The following GFPT2 variants were observed in gnomAD, a reference collection of about 807,000 sequenced individuals.
The protein encoded by GFPT2 is glutamine--fructose-6-phosphate transaminase 2, also known as glutamine--fructose-6-phosphate aminotransferase [isomerizing] 2.
A neutral mutation model predicts 85.6 loss-of-function variants in GFPT2; 62 were observed. The ratio of observed to expected loss-of-function variants is 0.72; its 90% CI spans 0.59 to 0.90. The LOEUF (loss-of-function observed/expected upper bound fraction) is 0.90, where lower values mean the gene tolerates loss of function less well. Ranked by LOEUF, GFPT2 falls within the 40% of genes least tolerant of loss-of-function variation. The probability of loss-of-function intolerance (pLI) is 0.00; values close to 1 mark genes in which losing one functional copy is unlikely to be tolerated. For missense variants in GFPT2, 788 were observed against 893.4 expected, an observed-to-expected ratio of 0.88 and a Z score of 1.50; for synonymous variants, 368 against 344.5, an observed-to-expected ratio of 1.07 and a Z score of -0.75.
intron 1 of GFPT2, among the ~76,000 whole-genome samples, chr5:180,338,932 G>A (rs1001442745): frequency 1.6e-4 from 25 of 152,172 alleles, no homozygotes; most frequent in African/African-American, 4.8e-4. Context: ...TAGGACATCC[G>A]GAAGTCCCCA....
intron 7 of GFPT2, among the ~76,000 whole-genome samples, chr5:180,327,507 G>A (rs1764230781): frequency 6.6e-6 from 1 of 152,198 alleles, no homozygotes; most frequent in Non-Finnish European, 1.5e-5. Flanking sequence ...CCCCTGCCAG[G>A]TAAGGTGATA....
In GFPT2 at chr5:180,328,617, G is replaced by T. The variant is rs1764253067; in HGVS notation, c.535-279C>A. On this transcript the variant is annotated intron_variant, in intron 6 of 18. Transcript: ENST00000253778. The surrounding 1 kb of genome is among the most constrained non-coding windows in gnomAD (Gnocchi z 5.4). ...GGGAGCCCGGCAGGGGTGCCAGCTG[G>T]GTAGACGGGGCAGTGAGAGTCACAG... Among the ~76,000 whole-genome samples the T allele has an allele frequency of 6.6e-6, 1 of 152,250 alleles. No individual in the cohort carries two copies. Among genetic ancestry groups the T allele is most frequent in the Admixed American group, 6.5e-5 (1 of 15,288 alleles).
chr5:180,338,489 C>G lies in GFPT2; in HGVS notation c.115+4G>C. Reference sequence around the variant, plus strand: ...AGCCACGAGGCGGGCGGCCGCACACCCACCTGCCGAGTCGTAGCCTCTGTA... The same window carrying G: ...AGCCACGAGGCGGGCGGCCGCACACGCACCTGCCGAGTCGTAGCCTCTGTA... On this transcript the variant is annotated splice_donor_region_variant and intron_variant, in intron 2 of 18. Transcript: ENST00000253778. The G allele has an allele frequency of 6.4e-7, 1 of 1,566,214 alleles. No homozygotes were observed. The highest frequency in any genetic ancestry group is 8.8e-7 in the Non-Finnish European group (1 of 1,137,858).
At chr5:180,336,065 T>A (rs1304360171) in intron 3 of GFPT2, 112 bp from the exon 4 acceptor site, 1 of 1,038,166 alleles carries the variant, frequency 9.6e-7, no homozygotes. Context: ...CGATGGCACC[T>A]CCCCACCAGC....
At chr5:180,340,563 G>C (rs1307844757) in intron 1 of GFPT2, among the ~76,000 whole-genome samples, 1 of 141,058 alleles carries the variant, frequency 7.1e-6, no homozygotes, top group East Asian at 2.1e-4. Context: ...CCAGGCTGGA[G>C]TGCAGTGGTG....
At chr5:180,337,771 G>A (rs1764429584) in intron 2 of GFPT2, among the ~76,000 whole-genome samples, 2 of 152,048 alleles carry the variant, frequency 1.3e-5, no homozygotes, top group Admixed American at 1.3e-4. Context: ...TGCCGTCTAT[G>A]CCATCAACCT....
chr5:180,314,435 G>A (rs900262190), intron 13 of GFPT2, among the ~76,000 whole-genome samples: 1 of 152,218 alleles, frequency 6.6e-6, no homozygotes, highest in Non-Finnish European at 1.5e-5. Flanking sequence ...GACACTTCTT[G>A]CAAGCCTCTC....
chr5:180,328,382 G>A lies in GFPT2; in HGVS notation c.535-44C>T, dbSNP rs1338130615. 5.2e-5 allele frequency: 77 copies of A among 1,491,732 alleles called. No homozygotes were observed. Among genetic ancestry groups the A allele is most frequent in the Non-Finnish European group, 6.6e-5 (71 of 1,069,678 alleles). The allele number at this position is 1,491,732 out of a possible 1,614,324, so 92.4% of individuals were successfully genotyped here. A position where few individuals can be genotyped will look rare whatever the true frequency, so the allele number is the denominator to read the frequency against. On this transcript the variant is annotated intron_variant, in intron 6 of 18. Coordinates refer to ENST00000253778, the MANE Select transcript of GFPT2 (RefSeq NM_005110.4). This position sits in a 1 kb window ranked among gnomAD's most constrained non-coding sequence, Gnocchi z 5.4. ...TGAGGGTCAACGCGTTCCAGCAGCC[G>A]CTGCTGCAGCCTGGCCACAGCCCAG... is the stretch of plus-strand genomic sequence containing the variant.
At chr5:180,335,397 C>T (rs1269092125) in intron 4 of GFPT2, among the ~76,000 whole-genome samples, 1 of 152,202 alleles carries the variant, frequency 6.6e-6, no homozygotes, top group Non-Finnish European at 1.5e-5. Flanking sequence ...CTCACCTGGA[C>T]CACTCTGTGG....
At chr5:180,336,019 A>T (rs2127655302) in intron 3 of GFPT2, 66 bp from the exon 4 acceptor site, 2 of 1,466,898 alleles carry the variant, frequency 1.4e-6, no homozygotes, top group Middle Eastern at 1.8e-4. Flanking sequence ...CTGTGAGTGC[A>T]ACCTGGTGTC....
At chr5:180,348,536 G>C (rs1044209169) in intron 1 of GFPT2, among the ~76,000 whole-genome samples, 12 of 152,242 alleles carry the variant, frequency 7.9e-5, no homozygotes, top group African/African-American at 2.9e-4. Flanking sequence ...AGACAGAGGA[G>C]CCTGCGGGCC....
intron 4 of GFPT2, among the ~76,000 whole-genome samples, chr5:180,334,451 G>A (rs552759363): frequency 3.0e-4 from 46 of 152,296 alleles, no homozygotes; most frequent in Admixed American, 9.2e-4. Flanking sequence ...GCAGTGGGTG[G>A]GGGACACCAA....
intron 1 of GFPT2, among the ~76,000 whole-genome samples, chr5:180,340,015 C>T (rs1764478073): frequency 6.6e-6 from 1 of 152,206 alleles, no homozygotes; most frequent in Non-Finnish European, 1.5e-5. Context: ...CAAAATACCA[C>T]AGACTGCCTG....
Position 180,304,883 on chromosome 5 carries a change from C to A in GFPT2, c.1731G>T (p.Lys577Asn), listed in dbSNP as rs1763745901. The A allele has an allele frequency of 6.2e-7, 1 of 1,613,132 alleles. No homozygotes were observed. Among genetic ancestry groups the A allele is most frequent in the Non-Finnish European group, 8.5e-7 (1 of 1,179,154 alleles). ...HSEGILAGEL[K>N]HGPLALIDKQ... The stretch of plus-strand genomic sequence containing the variant: ...TGTCAATCAGTGCCAGGGGCCCGTG[C>A]TTCAGCTCCCCAGCCAGGATGCCTT... Residue 577 changes from lysine (K) to asparagine (N), a missense_variant, in exon 17 of 19, where the codon AAG becomes AAT. Coordinates refer to ENST00000253778, the MANE Select transcript of GFPT2 (RefSeq NM_005110.4).
At chr5:180,352,440 A>C in intron 1 of GFPT2, 1 of 454,096 alleles carries the variant, frequency 2.2e-6, no homozygotes, top group South Asian at 1.6e-5. Context: ...GAGAGTAAAG[A>C]ATTGCAGATG....
At chr5:180,314,252 C>T (rs917369896) in intron 13 of GFPT2, among the ~76,000 whole-genome samples, 4 of 152,150 alleles carry the variant, frequency 2.6e-5, no homozygotes, top group African/African-American at 9.7e-5. Flanking sequence ...CAGGAGGAAA[C>T]CGGTGCTCTG....
In GFPT2 at chr5:180,312,508, C is replaced by T; in HGVS notation, c.1468G>A (p.Gly490Ser). 6.2e-7 allele frequency: 1 copy of T among 1,607,696 alleles called. No homozygotes were observed. Among genetic ancestry groups the T allele is most frequent in the Non-Finnish European group, 8.5e-7 (1 of 1,174,098 alleles). Residue 490 changes from glycine (G) to serine (S), a missense_variant, in exon 15 of 19, where the codon GGT (glycine) becomes AGT (serine). Physicochemically the swap from Gly to Ser is moderately conservative, Grantham distance 56. Coordinates refer to ENST00000253778, the MANE Select transcript of GFPT2 (RefSeq NM_005110.4). ...TSQFISLVMF[G>S]LMMSEDRISL... ...ATTCGGTCTTCAGACATCATCAAAC[C>T]AAACATCACCAGAGAGATGAACTGA...
At chr5:180,320,539 A>G (rs6896695) in intron 9 of GFPT2, among the ~76,000 whole-genome samples, 106,764 of 151,948 alleles carry the variant, frequency 0.7, 37,725 homozygotes, top group East Asian at 0.88. Context: ...TTGGGAGACC[A>G]AGGCGGGAAG....
At chr5:180,346,590 GC>G (rs1388034779) in intron 1 of GFPT2, among the ~76,000 whole-genome samples, 2 of 152,164 alleles carry the variant, frequency 1.3e-5, no homozygotes, top group Non-Finnish European at 2.9e-5. Flanking sequence ...GCCTGAGCCC[GC>G]CTTGCTCCCC....
Sources: allele counts gnomAD v4.1 joint callset (sites outside exome capture counted in the v4.1 genomes callset), GRCh38; gene constraint gnomAD v4.1.1; non-coding constraint Gnocchi (gnomAD v3.1); transcripts MANE v1.5; gene names NCBI Gene and HGNC (gene_info 2026-07-23, HGNC 2026-07-21).